The following FMN1 variants were observed in gnomAD, a reference collection of about 807,000 sequenced individuals.
The protein encoded by FMN1 is formin 1, also known as formin-1.
FMN1 carries 110 observed loss-of-function variants against 132.4 expected under a neutral mutation model. That is an observed-to-expected ratio of 0.83 (90% confidence interval 0.71 to 0.97). FMN1 has a LOEUF of 0.97. Among genes scored for constraint, FMN1 ranks in the 50% least tolerant of loss-of-function variants. The pLI is 0.00. For missense variants in FMN1, 1,792 were observed against 1,705.3 expected (o/e 1.05, Z -0.90); for synonymous variants, 722 against 651.7 (o/e 1.11, Z -1.64).
intron 7 of FMN1, among the ~76,000 whole-genome samples, chr15:32,999,829 G>C (rs1160425436): frequency 1.3e-5 from 2 of 152,132 alleles, no homozygotes; most frequent in Non-Finnish European, 2.9e-5. Flanking sequence ...TAAGCTACCA[G>C]CTCCTCACAA....
At chr15:33,094,758 G>T (rs780681265) in intron 4 of FMN1, among the ~76,000 whole-genome samples, 2 of 152,082 alleles carry the variant, frequency 1.3e-5, no homozygotes, top group Non-Finnish European at 2.9e-5. Context: ...GTTTTCTCCT[G>T]TGAAGAATAC....
chr15:32,883,584 C>T (rs1272084060), intron 16 of FMN1, among the ~76,000 whole-genome samples: 3 of 129,614 alleles, frequency 2.3e-5, no homozygotes, highest in Non-Finnish European at 4.8e-5. Context: ...GGCCTTGTTT[C>T]TGCTAAGTCA....
chr15:32,833,230 G>C (rs1206767242), intron 17 of FMN1, among the ~76,000 whole-genome samples: 1 of 152,156 alleles, frequency 6.6e-6, no homozygotes, highest in Non-Finnish European at 1.5e-5. Flanking sequence ...TCTTTTCTTA[G>C]AGGATAAGTA....
chr15:32,865,836 C>CAA (rs59592154), intron 16 of FMN1, among the ~76,000 whole-genome samples: 1 of 107,142 alleles, frequency 9.3e-6, no homozygotes, highest in Non-Finnish European at 2.1e-5. Context: ...AACTCCACCT[C>CAA]AAAAAAAAAA....
intron 3 of FMN1, among the ~76,000 whole-genome samples, chr15:33,162,623 C>T (rs985095944): frequency 1.2e-4 from 18 of 152,282 alleles, no homozygotes; most frequent in South Asian, 6.2e-4. Context: ...AGGATATTAA[C>T]GCTATCTTCA....
chr15:33,128,259 G>A (rs1188898183), intron 4 of FMN1, among the ~76,000 whole-genome samples: 3 of 151,988 alleles, frequency 2.0e-5, no homozygotes, highest in South Asian at 2.1e-4. Flanking sequence ...CCCTCAGAGA[G>A]CAATAATTAG....
At chr15:32,895,254 C>T (rs370234226) in intron 15 of FMN1, among the ~76,000 whole-genome samples, 2 of 151,110 alleles carry the variant, frequency 1.3e-5, no homozygotes, top group Non-Finnish European at 2.9e-5. Context: ...GTGTGAGATG[C>T]GCCACCATTG....
At chr15:33,086,215 C>T (rs1333600793) in intron 5 of FMN1, among the ~76,000 whole-genome samples, 3 of 150,274 alleles carry the variant, frequency 2.0e-5, no homozygotes, top group Non-Finnish European at 3.0e-5. Flanking sequence ...TATGCCACTG[C>T]GCTCCAGCCT....
intron 17 of FMN1, among the ~76,000 whole-genome samples, chr15:32,816,417 T>C (rs183411074): frequency 7.1e-4 from 108 of 152,356 alleles, no homozygotes; most frequent in African/African-American, 2.6e-3. Flanking sequence ...GAAGGTAACA[T>C]ACCAAAATAT....
intron 5 of FMN1, among the ~76,000 whole-genome samples, chr15:33,075,551 A>C (rs997428174): frequency 2.6e-5 from 4 of 152,198 alleles, no homozygotes; most frequent in Admixed American, 2.0e-4. Context: ...CATCTGTGTC[A>C]CTTGAGAAGA....
chr15:32,936,255 C>T (rs532438630), intron 9 of FMN1, among the ~76,000 whole-genome samples: 1 of 152,158 alleles, frequency 6.6e-6, no homozygotes, highest in East Asian at 1.9e-4. Context: ...ACTGGTTGGT[C>T]CATGCTCCCC....
At chr15:33,160,880 A>G (rs929213685) in intron 3 of FMN1, among the ~76,000 whole-genome samples, 8 of 152,334 alleles carry the variant, frequency 5.3e-5, no homozygotes, top group Admixed American at 3.3e-4. Context: ...TCTTTTTCCA[A>G]TAAACAAGTA....
At chr15:33,064,720 T>G (rs2037638914) in intron 6 of FMN1, 1 of 319,120 alleles carries the variant, frequency 3.1e-6, no homozygotes, top group Non-Finnish European at 5.8e-6. Flanking sequence ...AAGGTTCTCC[T>G]ACTTCACACA....
intron 6 of FMN1, among the ~76,000 whole-genome samples, chr15:33,032,867 T>A (rs1201786488): frequency 6.6e-6 from 1 of 152,132 alleles, no homozygotes; most frequent in African/African-American, 2.4e-5. Flanking sequence ...TACTGTGTCT[T>A]GTTTCTTCAT....
At chr15:33,038,783 G>A (rs2141106608) in intron 6 of FMN1, among the ~76,000 whole-genome samples, 1 of 152,302 alleles carries the variant, frequency 6.6e-6, no homozygotes, top group East Asian at 1.9e-4. Context: ...TTCACCTGTT[G>A]TTGGAAATTG....
chr15:32,788,311 G>A (rs1352354021), intron 19 of FMN1, among the ~76,000 whole-genome samples: 1 of 152,248 alleles, frequency 6.6e-6, no homozygotes, highest in Non-Finnish European at 1.5e-5. Flanking sequence ...TAGTCTGGGA[G>A]ACAGTTTGAA....
intron 10 of FMN1, among the ~76,000 whole-genome samples, chr15:32,912,087 C>G (rs541528529): frequency 6.6e-6 from 1 of 152,156 alleles, no homozygotes; most frequent in Non-Finnish European, 1.5e-5. Context: ...CAATAATCTA[C>G]CAAAAATGTT....
At chr15:33,032,707 T>C (rs964238547) in intron 6 of FMN1, among the ~76,000 whole-genome samples, 4 of 152,194 alleles carry the variant, frequency 2.6e-5, no homozygotes, top group Middle Eastern at 3.2e-3. Flanking sequence ...TTGATTTCAC[T>C]TTACAGACAG....
chr15:32,887,511 A>C (rs1397728969), intron 16 of FMN1, among the ~76,000 whole-genome samples: 1 of 152,186 alleles, frequency 6.6e-6, no homozygotes, highest in Non-Finnish European at 1.5e-5. Flanking sequence ...TTTTCTTTTG[A>C]CTAATTAAAA....
Sources: gnomAD v4.1 joint callset for allele counts (sites outside exome capture counted in the v4.1 genomes callset) on GRCh38, gnomAD v4.1.1 for gene constraint, MANE v1.5 for transcripts, NCBI Gene and HGNC (gene_info 2026-07-23, HGNC 2026-07-21) for gene names.